EDIL3: variants seen among roughly 807,000 people sequenced by gnomAD.
The protein encoded by EDIL3 is EGF like and discoidin domains 3, also known as EGF-like repeat and discoidin I-like domain-containing protein 3.
A neutral mutation model predicts 67.4 loss-of-function variants in EDIL3; 37 were observed. The ratio of observed to expected loss-of-function variants is 0.55; its 90% CI spans 0.42 to 0.72. EDIL3 has a LOEUF of 0.72. EDIL3 is among the 30% of genes least tolerant of loss of function. The probability of loss-of-function intolerance (pLI) is 0.00; values close to 1 mark genes in which losing one functional copy is unlikely to be tolerated. For synonymous variants in EDIL3, 195 were observed against 196.3 expected (o/e 0.99, Z 0.05); for missense variants, 527 against 586.3 (o/e 0.90, Z 1.04).
intron 1 of EDIL3, among the ~76,000 whole-genome samples, chr5:84,258,499 G>C (rs962157764): frequency 6.6e-6 from 1 of 152,164 alleles, no homozygotes; most frequent in African/African-American, 2.4e-5. Context: ...GGGCAATCCA[G>C]GTAGAGTGAG....
intron 5 of EDIL3, among the ~76,000 whole-genome samples, chr5:84,111,786 T>C (rs1330925740): frequency 6.6e-6 from 1 of 152,160 alleles, no homozygotes; most frequent in Non-Finnish European, 1.5e-5. Context: ...TTTACAGTAC[T>C]GGTTTCCTCA....
chr5:83,947,363 CTGTGTCTG>C (rs1421210606), intron 10 of EDIL3, among the ~76,000 whole-genome samples: 77 of 126,632 alleles, frequency 6.1e-4, no homozygotes, highest in African/African-American at 1.6e-3. Context: ...GTGTCTGTGT[CTGTGTCTG>C]TGTGTGTGTG....
At chr5:84,150,174 G>A (rs1425721663) in intron 4 of EDIL3, among the ~76,000 whole-genome samples, 2 of 152,090 alleles carry the variant, frequency 1.3e-5, no homozygotes, top group Admixed American at 6.5e-5. Flanking sequence ...GTAGATAAAT[G>A]TAGTCTTTTC....
At chr5:84,069,819 C>T (rs73134276) in intron 6 of EDIL3, among the ~76,000 whole-genome samples, 4,933 of 152,042 alleles carry the variant, frequency 0.032, 230 homozygotes, top group South Asian at 0.11. Flanking sequence ...TCCAAGAGCA[C>T]CTGTCCCGCC....
chr5:84,309,151 A>C (rs1477876628), intron 1 of EDIL3, among the ~76,000 whole-genome samples: 1 of 152,160 alleles, frequency 6.6e-6, no homozygotes, highest in East Asian at 1.9e-4. Context: ...GTTGAAGATT[A>C]GTATCTCATG....
chr5:84,252,421 G>A (rs1001368474), intron 2 of EDIL3, among the ~76,000 whole-genome samples: 2 of 145,906 alleles, frequency 1.4e-5, no homozygotes, highest in African/African-American at 2.6e-5. Flanking sequence ...GTGAACCCGG[G>A]GTGCGGAGCT....
rs766865361 is a variant in EDIL3 at position 84,060,286 on chromosome 5, T to G, written c.1137+14A>C. The stretch of plus-strand genomic sequence containing the variant: ...AGGAACAGTGGGTAGTGAAACAGTT[T>G]TGGAAAACTTTACCTGTAACCATTG... On this transcript the variant is annotated intron_variant, in intron 9 of 10. Coordinates refer to ENST00000296591, the MANE Select transcript of EDIL3 (RefSeq NM_005711.5). 3 of 1,610,936 alleles carry G rather than the reference T, an allele frequency of 1.9e-6. No individual in the cohort carries two copies. The highest frequency in any genetic ancestry group is 2.5e-6 in the Non-Finnish European group (3 of 1,178,218).
chr5:84,042,676 A>C (rs542131071), intron 9 of EDIL3, among the ~76,000 whole-genome samples: 14 of 152,308 alleles, frequency 9.2e-5, no homozygotes, highest in Admixed American at 2.6e-4. Flanking sequence ...GAGGACACAA[A>C]GCATGAGAGG....
At chr5:84,124,519 T>C (rs1441151730) in intron 5 of EDIL3, among the ~76,000 whole-genome samples, 1 of 151,914 alleles carries the variant, frequency 6.6e-6, no homozygotes, top group African/African-American at 2.4e-5. Context: ...GGAGATGCTA[T>C]TGTCACCTGC....
At chr5:84,276,246 G>A (rs932277618) in intron 1 of EDIL3, among the ~76,000 whole-genome samples, 1 of 152,176 alleles carries the variant, frequency 6.6e-6, no homozygotes, top group Non-Finnish European at 1.5e-5. Flanking sequence ...ATCCCCAAAT[G>A]AGAAATATGG....
chr5:84,183,203 T>A (rs961986456), intron 3 of EDIL3, among the ~76,000 whole-genome samples: 2 of 152,154 alleles, frequency 1.3e-5, no homozygotes, highest in Non-Finnish European at 2.9e-5. Context: ...AGTTTTTTTT[T>A]AAATACTGAA....
chr5:83,945,754 T>C (rs566019876), intron 10 of EDIL3, among the ~76,000 whole-genome samples: 2 of 152,118 alleles, frequency 1.3e-5, no homozygotes, highest in South Asian at 2.1e-4. Context: ...CATGGATATT[T>C]GCATGTTCAC....
At chr5:84,138,829 T>A (rs1018962430) in intron 4 of EDIL3, among the ~76,000 whole-genome samples, 16 of 152,160 alleles carry the variant, frequency 1.1e-4, no homozygotes, top group African/African-American at 3.6e-4. Flanking sequence ...AGAACAGAGA[T>A]AATTCATGAC....
At chr5:84,001,911 G>T (rs555440061) in intron 9 of EDIL3, among the ~76,000 whole-genome samples, 1 of 151,862 alleles carries the variant, frequency 6.6e-6, no homozygotes, top group African/African-American at 2.4e-5. Context: ...ATTCTATGAG[G>T]CCTGTATTAC....
At chr5:84,169,657 C>G (rs2112347422) in intron 4 of EDIL3, among the ~76,000 whole-genome samples, 1 of 142,372 alleles carries the variant, frequency 7.0e-6, no homozygotes, top group Admixed American at 7.1e-5. Context: ...TTGGGATTGG[C>G]TTTTTTTTTT....
chr5:83,957,164 T>C (rs1335964620), intron 10 of EDIL3, among the ~76,000 whole-genome samples: 2 of 151,728 alleles, frequency 1.3e-5, no homozygotes, highest in African/African-American at 2.4e-5. Flanking sequence ...GGACTCTGAA[T>C]GGATGAAACT....
At chr5:84,003,696 A>T (rs1301401591) in intron 9 of EDIL3, among the ~76,000 whole-genome samples, 2 of 152,064 alleles carry the variant, frequency 1.3e-5, no homozygotes, top group Non-Finnish European at 2.9e-5. Context: ...ATAACAAAAA[A>T]CTGCTATTGG....
intron 1 of EDIL3, among the ~76,000 whole-genome samples, chr5:84,302,576 GTA>G (rs1746182963): frequency 6.6e-6 from 1 of 152,188 alleles, no homozygotes; most frequent in African/African-American, 2.4e-5. Flanking sequence ...GATTACAGGC[GTA>G]AGCCACTGCG....
chr5:84,312,844 T>C (rs994177918), intron 1 of EDIL3, among the ~76,000 whole-genome samples: 2 of 152,246 alleles, frequency 1.3e-5, no homozygotes, highest in Non-Finnish European at 2.9e-5. Context: ...GCCTCTTTCC[T>C]CATCAAATAA....
Sources: allele counts gnomAD v4.1 joint callset (sites outside exome capture counted in the v4.1 genomes callset), GRCh38; gene constraint gnomAD v4.1.1; transcripts MANE v1.5; gene names NCBI Gene and HGNC (gene_info 2026-07-23, HGNC 2026-07-21).